The following PEX7 variants were observed in gnomAD, a reference collection of about 807,000 sequenced individuals.
The protein encoded by PEX7 is PTS2 receptor.
Under a neutral mutation model 47.5 loss-of-function variants are expected in PEX7, and 34 were observed. That is an observed-to-expected ratio of 0.72 (90% CI 0.54 to 0.95). The LOEUF (loss-of-function observed/expected upper bound fraction) is 0.95, where lower values mean the gene tolerates loss of function less well. PEX7 is among the 40% of genes least tolerant of loss of function. The pLI is 0.00. For synonymous variants in PEX7, 141 were observed against 148.8 expected (o/e 0.95, Z 0.38); for missense variants, 394 against 400.3 (o/e 0.98, Z 0.13).
intron 5 of PEX7, among the ~76,000 whole-genome samples, chr6:136,860,914 C>T (rs980264098): frequency 6.6e-6 from 1 of 152,124 alleles, no homozygotes; most frequent in African/African-American, 2.4e-5. Flanking sequence ...CCCAGGTGAC[C>T]ACTGTGTGGC....
intron 8 of PEX7, among the ~76,000 whole-genome samples, chr6:136,873,905 G>C (rs1424221118): frequency 6.6e-6 from 1 of 151,952 alleles, no homozygotes; most frequent in Non-Finnish European, 1.5e-5. Context: ...TTTCTTCTTA[G>C]AGATATGGCT....
rs111511077 is a variant in PEX7 at position 136,836,869 on chromosome 6, C to A, written c.340-8746C>A. On this transcript the variant is annotated intron_variant, in intron 3 of 9. Coordinates refer to ENST00000318471, the MANE Select transcript of PEX7 (RefSeq NM_000288.4). ...TTAGGAGGCTGAGGCAGGAGAATCGCTTGAACCCGGGAGGCAGAGTTTGCA... is the reference window on the plus strand; with the variant it reads ...TTAGGAGGCTGAGGCAGGAGAATCGATTGAACCCGGGAGGCAGAGTTTGCA... Among the ~76,000 whole-genome samples the A allele has an allele frequency of 4.4e-3, 671 of 152,198 alleles. 2 individuals are homozygous for A. The highest frequency in any genetic ancestry group is 6.8e-3 in the Middle Eastern group (2 of 294).
At chr6:136,856,472 G>A (rs973740372) in intron 5 of PEX7, among the ~76,000 whole-genome samples, 20 of 152,114 alleles carry the variant, frequency 1.3e-4, no homozygotes, top group African/African-American at 4.8e-4. Flanking sequence ...ACCACATGAT[G>A]GCAAGATAGT....
Position 136,825,307 on chromosome 6 carries a change from TG to T in PEX7, c.188+37del. On this transcript the variant is annotated intron_variant, in intron 2 of 9. Coordinates refer to ENST00000318471, the MANE Select transcript of PEX7 (RefSeq NM_000288.4). ...TGAAATTATTAAAGGTATATATTGT[TG>T]CTATTAAAGCCTTAATAGAATTAGG... The T allele has an allele frequency of 2.7e-6, 4 of 1,502,786 alleles. No homozygotes were observed. The South Asian group carries it at 4.5e-5, about 17-fold the overall frequency. The allele number at this position is 1,502,786 out of a possible 1,614,324, so 93.1% of individuals were successfully genotyped here. A position where few individuals can be genotyped will look rare whatever the true frequency, so the allele number is the denominator to read the frequency against.
At position 136,845,536 on chromosome 6, in the gene PEX7, A is replaced by G; in HGVS notation, c.340-79A>G. The G allele has an allele frequency of 3.6e-6, 3 of 828,344 alleles. No individual in the cohort carries two copies. In the South Asian group the frequency reaches 4.0e-5, roughly 11 times the overall value. 51.3% of individuals were successfully genotyped at this position (828,344 alleles called of 1,614,324 possible). A position where few individuals can be genotyped will look rare whatever the true frequency, so the allele number is the denominator to read the frequency against. Reference sequence around the variant, plus strand: ...TAGTAAATTAGTTGTTCTGCCTCTCATTGTTATGTAACAAGAGATAAAATG... The same window carrying G: ...TAGTAAATTAGTTGTTCTGCCTCTCGTTGTTATGTAACAAGAGATAAAATG... On this transcript the variant is annotated intron_variant, in intron 3 of 9. Transcript: ENST00000318471.
chr6:136,886,854 A>C (rs1775475395), intron 8 of PEX7, among the ~76,000 whole-genome samples: 1 of 152,138 alleles, frequency 6.6e-6, no homozygotes, highest in Non-Finnish European at 1.5e-5. Context: ...GGAATTCGAG[A>C]CCAGCCTGGA....
At chr6:136,899,453 A>G (rs1009242523) in intron 9 of PEX7, among the ~76,000 whole-genome samples, 4 of 152,164 alleles carry the variant, frequency 2.6e-5, no homozygotes, top group African/African-American at 7.2e-5. Context: ...CATGTTGACT[A>G]GGCTGGTCTC....
At chr6:136,826,512 G>T in intron 3 of PEX7, 43 bp downstream of exon 3, 2 of 1,611,830 alleles carry the variant, frequency 1.2e-6, no homozygotes, top group Non-Finnish European at 1.7e-6. Flanking sequence ...TTCTTTCTTC[G>T]ACTTTGGTTG....
intron 1 of PEX7, among the ~76,000 whole-genome samples, chr6:136,823,974 A>G (rs1356341763): frequency 2.0e-5 from 3 of 152,218 alleles, no homozygotes; most frequent in Admixed American, 6.5e-5. Flanking sequence ...TGTCCTAGCT[A>G]TTATACGCAC....
chr6:136,830,877 A>C (rs1018481054), intron 3 of PEX7, among the ~76,000 whole-genome samples: 4 of 151,956 alleles, frequency 2.6e-5, no homozygotes, highest in African/African-American at 9.7e-5. Flanking sequence ...AATTTTTATA[A>C]CATATTTGAT....
chr6:136,828,133 C>A (rs1281700403), intron 3 of PEX7, among the ~76,000 whole-genome samples: 1 of 151,870 alleles, frequency 6.6e-6, no homozygotes, highest in Non-Finnish European at 1.5e-5. Context: ...GTTTTTCTTT[C>A]AATCAAGTAA....
At chr6:136,905,726 C>T (rs768856095) in intron 9 of PEX7, among the ~76,000 whole-genome samples, 3 of 152,110 alleles carry the variant, frequency 2.0e-5, no homozygotes, top group Non-Finnish European at 4.4e-5. Flanking sequence ...TGCAACTTCC[C>T]CTTAAAGCTG....
chr6:136,879,072 CT>C (rs757643460), intron 8 of PEX7, among the ~76,000 whole-genome samples: 115 of 151,708 alleles, frequency 7.6e-4, no homozygotes, highest in Middle Eastern at 3.4e-3. Context: ...TCTACTTTCG[CT>C]TTTTTTTCCC....
chr6:136,890,194 A>G (rs1775530765), intron 8 of PEX7, among the ~76,000 whole-genome samples: 1 of 152,254 alleles, frequency 6.6e-6, no homozygotes, highest in South Asian at 2.1e-4. Context: ...GTAATTATTC[A>G]TCTATTTTCA....
intron 3 of PEX7, among the ~76,000 whole-genome samples, chr6:136,834,640 A>G (rs1461951275): frequency 6.6e-6 from 1 of 152,192 alleles, no homozygotes; most frequent in Non-Finnish European, 1.5e-5. Context: ...GTACTAGGAG[A>G]TGGTGTAATG....
chr6:136,835,613 A>G (rs779263566), intron 3 of PEX7, among the ~76,000 whole-genome samples: 12 of 152,122 alleles, frequency 7.9e-5, no homozygotes, highest in Non-Finnish European at 1.8e-4. Flanking sequence ...CTTCATGCCC[A>G]GGTCACAGTG....
intron 5 of PEX7, among the ~76,000 whole-genome samples, chr6:136,849,630 C>T (rs1188158858): frequency 3.3e-5 from 5 of 152,218 alleles, no homozygotes; most frequent in South Asian, 2.1e-4. Flanking sequence ...CATTCAGGAG[C>T]GGGTTGTTCA....
chr6:136,824,186 A>G (rs1774143210), intron 1 of PEX7, among the ~76,000 whole-genome samples: 1 of 152,078 alleles, frequency 6.6e-6, no homozygotes, highest in Non-Finnish European at 1.5e-5. Context: ...TAATGGTAGT[A>G]GTTTTCTTTT....
chr6:136,860,014 GAAA>G (rs952687812), intron 5 of PEX7, among the ~76,000 whole-genome samples: 2 of 129,816 alleles, frequency 1.5e-5, no homozygotes, highest in African/African-American at 2.8e-5. Context: ...CTCTGTCTCA[GAAA>G]AAAAAAAAAA....
Sources: gnomAD v4.1 joint callset for allele counts (sites outside exome capture counted in the v4.1 genomes callset) on GRCh38, gnomAD v4.1.1 for gene constraint, MANE v1.5 for transcripts, NCBI Gene and HGNC (gene_info 2026-07-23, HGNC 2026-07-21) for gene names.